Variants in CSNK2A2 observed in about 807,000 individuals in gnomAD.
CSNK2A2 encodes the protein casein kinase II subunit alpha'.
A neutral mutation model predicts 54.0 loss-of-function variants in CSNK2A2; 8 were observed. That is an observed-to-expected ratio of 0.15 (90% confidence interval 0.09 to 0.27). CSNK2A2 has a LOEUF of 0.27. Ranked by LOEUF, CSNK2A2 falls within the 10% of genes least tolerant of loss-of-function variation. CSNK2A2 has a pLI of 1.00. For synonymous variants in CSNK2A2, 141 were observed against 153.9 expected, an observed-to-expected ratio of 0.92 and a Z score of 0.62; for missense variants, 242 against 439.4, an observed-to-expected ratio of 0.55 and a Z score of 4.02.
At chr16:58,175,777 G>A (rs1050003919) in intron 4 of CSNK2A2, among the ~76,000 whole-genome samples, 1 of 152,178 alleles carries the variant, frequency 6.6e-6, no homozygotes, top group Non-Finnish European at 1.5e-5. Context: ...TTAGGTAAGA[G>A]TAATTCCCCC....
At chr16:58,171,982 T>TTA (rs1961757818) in intron 5 of CSNK2A2, among the ~76,000 whole-genome samples, 1 of 54,818 alleles carries the variant, frequency 1.8e-5, no homozygotes, top group Non-Finnish European at 3.2e-5. Flanking sequence ...TATATATATT[T>TTA]TTTTTTTTTT....
rs546670278 is a variant in CSNK2A2 at position 58,164,699 on chromosome 16, C to T, written c.977-552G>A. 1.7e-3 allele frequency among the ~76,000 whole-genome samples: 253 copies of T among 152,246 alleles called. 1 individual carries two copies. Among genetic ancestry groups the T allele is most frequent in the Non-Finnish European group, 1.6e-3 (107 of 68,018 alleles). ...CAGCTTTCTGTGCCAGACACTGGGG[C>T]GGGGACATCTGAGTTTCCTGGGGCT... is the stretch of plus-strand genomic sequence containing the variant. On this transcript the variant is annotated intron_variant, in intron 10 of 11. Coordinates refer to ENST00000262506, the MANE Select transcript of CSNK2A2 (RefSeq NM_001896.4).
chr16:58,177,543 T>TC (rs1248849570), intron 4 of CSNK2A2, among the ~76,000 whole-genome samples: 1 of 152,086 alleles, frequency 6.6e-6, no homozygotes, highest in Non-Finnish European at 1.5e-5. Context: ...CTGTTCAGAC[T>TC]CCAAGTGCAA....
intron 6 of CSNK2A2, among the ~76,000 whole-genome samples, chr16:58,168,134 A>C (rs916663903): frequency 1.3e-5 from 2 of 152,134 alleles, no homozygotes; most frequent in African/African-American, 4.8e-5. Flanking sequence ...TATAAGCTCC[A>C]GGCGTCAGTG....
intron 2 of CSNK2A2, among the ~76,000 whole-genome samples, chr16:58,194,343 C>T (rs187904916): frequency 1.3e-5 from 2 of 152,302 alleles, no homozygotes; most frequent in East Asian, 1.9e-4. Flanking sequence ...GACCTTGTTA[C>T]CCTGTTCTTT....
At chr16:58,160,911 G>A (rs1961325515) in intron 11 of CSNK2A2, 1 of 152,252 alleles carries the variant, frequency 6.6e-6, no homozygotes, top group South Asian at 2.1e-4. Flanking sequence ...GTGCTGACAT[G>A]TTACAGAATG....
chr16:58,176,535 G>A (rs1424995130), intron 4 of CSNK2A2, among the ~76,000 whole-genome samples: 1 of 152,224 alleles, frequency 6.6e-6, no homozygotes, highest in African/African-American at 2.4e-5. Context: ...AACCGCCTGG[G>A]CCCAAAATTC....
intron 2 of CSNK2A2, among the ~76,000 whole-genome samples, chr16:58,190,623 C>T (rs1962302157): frequency 6.6e-6 from 1 of 152,164 alleles, no homozygotes; most frequent in South Asian, 2.1e-4. Flanking sequence ...TTGAGGGTAA[C>T]TGTTTACTCT....
intron 11 of CSNK2A2, chr16:58,160,881 A>G (rs1326201500): frequency 6.6e-6 from 1 of 152,204 alleles, no homozygotes; most frequent in Non-Finnish European, 1.5e-5. Flanking sequence ...AAGGGAACAC[A>G]TTTGCTTTAA....
chr16:58,167,579 A>G (rs1961603658), intron 7 of CSNK2A2, 106 bp downstream of exon 7: 1 of 858,154 alleles, frequency 1.2e-6, no homozygotes, highest in Admixed American at 2.5e-5. Flanking sequence ...TTAGGGTGAA[A>G]TAATGGCTGG....
intron 4 of CSNK2A2, among the ~76,000 whole-genome samples, chr16:58,181,792 C>G (rs993429889): frequency 6.6e-6 from 1 of 151,846 alleles, no homozygotes; most frequent in South Asian, 2.1e-4. Context: ...GGGAAAAAGC[C>G]CAGCAAGTAT....
chr16:58,168,596 G>T lies in CSNK2A2; in HGVS notation c.513+14C>A. 1 of 1,609,366 alleles carries T rather than the reference G, an allele frequency of 6.2e-7. No homozygotes were observed. The highest frequency in any genetic ancestry group is 1.1e-5 in the South Asian group (1 of 90,830). ...CTTTTAATCAAGCTTGTTGCTGCCT[G>T]GCTGTAATGGTACCTTTTTCTGTTG... is the stretch of plus-strand genomic sequence containing the variant. On this transcript the variant is annotated intron_variant, in intron 6 of 11. Transcript: ENST00000262506.
At chr16:58,162,838 C>G (rs1273317447) in intron 11 of CSNK2A2, 2 of 152,194 alleles carry the variant, frequency 1.3e-5, no homozygotes, top group African/African-American at 4.8e-5. Flanking sequence ...GGATCCAACA[C>G]TTGCTCCGGG....
chr16:58,186,314 A>G (rs1301414324), intron 3 of CSNK2A2, among the ~76,000 whole-genome samples: 1 of 152,232 alleles, frequency 6.6e-6, no homozygotes, highest in Non-Finnish European at 1.5e-5. Flanking sequence ...GGGTCAGTGG[A>G]GCTGGGACCT....
At chr16:58,185,625 G>A (rs919862590) in intron 3 of CSNK2A2, among the ~76,000 whole-genome samples, 2 of 152,088 alleles carry the variant, frequency 1.3e-5, no homozygotes, top group Admixed American at 6.6e-5. Context: ...TTTCAAACAT[G>A]AGGCAGTCCA....
chr16:58,196,443 A>T (rs1361243553), intron 2 of CSNK2A2, among the ~76,000 whole-genome samples: 1 of 152,172 alleles, frequency 6.6e-6, no homozygotes, highest in Non-Finnish European at 1.5e-5. Flanking sequence ...CAACATGACC[A>T]GACCCTGACT....
chr16:58,181,212 A>G (rs1471197955), intron 4 of CSNK2A2, among the ~76,000 whole-genome samples: 1 of 152,222 alleles, frequency 6.6e-6, no homozygotes, highest in African/African-American at 2.4e-5. Context: ...TGAAGCTAGA[A>G]AACATGTCTC....
intron 2 of CSNK2A2, chr16:58,192,940 G>A (rs938705628): frequency 5.9e-5 from 9 of 152,214 alleles, no homozygotes; most frequent in Admixed American, 5.2e-4. Context: ...CGCATTCTGC[G>A]ATTCTGTTTG....
chr16:58,170,113 A>T (rs530376081), intron 5 of CSNK2A2, among the ~76,000 whole-genome samples: 1 of 152,162 alleles, frequency 6.6e-6, no homozygotes. Flanking sequence ...TGATATGCAG[A>T]TAAGATTTTA....
Sources: allele counts gnomAD v4.1 joint callset (sites outside exome capture counted in the v4.1 genomes callset), GRCh38; gene constraint gnomAD v4.1.1; transcripts MANE v1.5; gene names NCBI Gene and HGNC (gene_info 2026-07-23, HGNC 2026-07-21).